ARID4B: variants seen among roughly 807,000 people sequenced by gnomAD.
The protein encoded by ARID4B is AT-rich interactive domain-containing protein 4B.
In ARID4B, 26 loss-of-function variants were observed where a neutral mutation model predicts 147.5. The observed-to-expected ratio is 0.18, with a 90% CI of 0.13 to 0.24. ARID4B has a LOEUF of 0.24. Among genes scored for constraint, ARID4B ranks in the 10% least tolerant of loss-of-function variants. The pLI is 1.00. For synonymous variants in ARID4B, 512 were observed against 507.9 expected, an observed-to-expected ratio of 1.01 and a Z score of -0.11; for missense variants, 1,179 against 1,511.5, an observed-to-expected ratio of 0.78 and a Z score of 3.65.
intron 2 of ARID4B, among the ~76,000 whole-genome samples, chr1:235,304,161 A>G (rs959711196): frequency 1.3e-5 from 2 of 152,146 alleles, no homozygotes; most frequent in African/African-American, 4.8e-5. Context: ...GTTTGAGACC[A>G]GCGTGGCAAC....
chr1:235,179,240 G>C (rs1664104431), intron 20 of ARID4B, among the ~76,000 whole-genome samples: 1 of 152,086 alleles, frequency 6.6e-6, no homozygotes, highest in Non-Finnish European at 1.5e-5. Context: ...AGGTGCTTAA[G>C]AACCTATTTC....
intron 17 of ARID4B, among the ~76,000 whole-genome samples, chr1:235,199,188 T>G (rs1665709956): frequency 1.3e-5 from 2 of 152,196 alleles, no homozygotes; most frequent in South Asian, 4.1e-4. Context: ...TAATGTAATC[T>G]AACAGCAAAC....
At chr1:235,234,746 A>G (rs541307957) in intron 8 of ARID4B, among the ~76,000 whole-genome samples, 1 of 152,312 alleles carries the variant, frequency 6.6e-6, no homozygotes, top group African/African-American at 2.4e-5. Context: ...CACAGCTATG[A>G]CTAGGATGAA....
chr1:235,254,537 T>C (rs1217664663), intron 5 of ARID4B, among the ~76,000 whole-genome samples: 6 of 151,880 alleles, frequency 4.0e-5, no homozygotes, highest in Non-Finnish European at 7.4e-5. Context: ...TTTATAACAC[T>C]GATGGAAGGC....
At chr1:235,312,173 C>G (rs898310727) in intron 2 of ARID4B, among the ~76,000 whole-genome samples, 26 of 152,164 alleles carry the variant, frequency 1.7e-4, no homozygotes, top group African/African-American at 5.8e-4. Flanking sequence ...GTAGTTCCAG[C>G]TACTCAGGAG....
chr1:235,261,605 G>A (rs982878396), intron 2 of ARID4B, among the ~76,000 whole-genome samples: 1 of 152,184 alleles, frequency 6.6e-6, no homozygotes, highest in East Asian at 1.9e-4. Flanking sequence ...AAAACTATAT[G>A]AAGAAAGTCA....
At chr1:235,233,955 T>C (rs1668400873) in intron 9 of ARID4B, among the ~76,000 whole-genome samples, 1 of 152,182 alleles carries the variant, frequency 6.6e-6, no homozygotes, top group Non-Finnish European at 1.5e-5. Flanking sequence ...GGCATGCACC[T>C]ATAGTCCCAG....
At chr1:235,171,597 TG>T (rs1663366993) in intron 23 of ARID4B, among the ~76,000 whole-genome samples, 1 of 152,092 alleles carries the variant, frequency 6.6e-6, no homozygotes, top group Admixed American at 6.6e-5. Flanking sequence ...GAATTTGTGG[TG>T]ACTATATTTA....
chr1:235,234,285 C>T, intron 9 of ARID4B, 128 bp downstream of exon 9: 1 of 637,002 alleles, frequency 1.6e-6, no homozygotes, highest in Non-Finnish European at 2.8e-6. Context: ...CTCTTTGAAA[C>T]ATTCTGTATG....
intron 16 of ARID4B, among the ~76,000 whole-genome samples, chr1:235,214,379 CA>C (rs943244931): frequency 3.3e-5 from 5 of 152,000 alleles, no homozygotes; most frequent in African/African-American, 9.7e-5. Context: ...TCTCAATTGA[CA>C]AAAAAATTCA....
rs182579619 is a variant in ARID4B, at chr1:235,212,555, G to A, written c.1841+1214C>T. Among the ~76,000 whole-genome samples, 313 of 152,244 alleles carry A rather than the reference G, an allele frequency of 2.1e-3. 2 individuals are homozygous for A. Among genetic ancestry groups the A allele is most frequent in the African/African-American group, 7.2e-3 (301 of 41,530 alleles). On this transcript the variant is annotated intron_variant, in intron 17 of 23. Transcript: ENST00000264183. ...TTTCTCAAAATAAGAAAGGTAATCA[G>A]ATTAGATCATGAGCTTCCTATTACA...
intron 2 of ARID4B, among the ~76,000 whole-genome samples, chr1:235,285,496 C>T (rs1375656874): frequency 6.6e-6 from 1 of 152,194 alleles, no homozygotes; most frequent in African/African-American, 2.4e-5. Context: ...GAAAAATCTG[C>T]AACTAACATT....
At chr1:235,197,136 A>G (rs1379055947) in intron 17 of ARID4B, among the ~76,000 whole-genome samples, 1 of 152,192 alleles carries the variant, frequency 6.6e-6, no homozygotes, top group East Asian at 1.9e-4. Context: ...AAAAAAAAGA[A>G]TGACAGTTTA....
At chr1:235,230,601 A>T (rs1216661188) in intron 10 of ARID4B, among the ~76,000 whole-genome samples, 2 of 125,650 alleles carry the variant, frequency 1.6e-5, no homozygotes, top group African/African-American at 5.9e-5. Context: ...AGCTAAAAAA[A>T]AAAAAAAAAA....
chr1:235,192,272 A>G (rs1362977431), intron 19 of ARID4B, among the ~76,000 whole-genome samples: 1 of 152,206 alleles, frequency 6.6e-6, no homozygotes, highest in Non-Finnish European at 1.5e-5. Flanking sequence ...AGATAATTCA[A>G]TTCTGAAGAA....
At chr1:235,199,985 A>G (rs1408838229) in intron 17 of ARID4B, among the ~76,000 whole-genome samples, 1 of 149,814 alleles carries the variant, frequency 6.7e-6, no homozygotes. Context: ...TCTCTACAGG[A>G]TATTTTCAAA....
chr1:235,220,046 A>G, intron 15 of ARID4B, 78 bp from the exon 16 acceptor site: 1 of 957,712 alleles, frequency 1.0e-6, no homozygotes, highest in East Asian at 3.0e-5. Flanking sequence ...TCTTAGCAAC[A>G]GGAGGTATCA....
chr1:235,224,287 TAA>T (rs1242280991), intron 12 of ARID4B, among the ~76,000 whole-genome samples: 2 of 152,226 alleles, frequency 1.3e-5, no homozygotes, highest in Non-Finnish European at 2.9e-5. Context: ...TTCATTACCC[TAA>T]GTTATTCTTC....
At chr1:235,207,398 G>A (rs932865101) in intron 17 of ARID4B, among the ~76,000 whole-genome samples, 1 of 152,234 alleles carries the variant, frequency 6.6e-6, no homozygotes, top group South Asian at 2.1e-4. Flanking sequence ...CACAGGTGCA[G>A]GCAAGGAGCT....
Sources: gnomAD v4.1 joint callset for allele counts (sites outside exome capture counted in the v4.1 genomes callset) on GRCh38, gnomAD v4.1.1 for gene constraint, MANE v1.5 for transcripts, NCBI Gene and HGNC (gene_info 2026-07-23, HGNC 2026-07-21) for gene names.